UBR3: variants seen among roughly 807,000 people sequenced by gnomAD.
UBR3 encodes the protein ubiquitin protein ligase E3 component n-recognin 3, also known as E3 ubiquitin-protein ligase UBR3.
In UBR3, 85 loss-of-function variants were observed where a neutral mutation model predicts 243.2. That is an observed-to-expected ratio of 0.35 (90% CI 0.29 to 0.42). The LOEUF (loss-of-function observed/expected upper bound fraction) is 0.42, where lower values mean the gene tolerates loss of function less well. Among genes scored for constraint, UBR3 ranks in the 10% least tolerant of loss-of-function variants. UBR3 has a pLI of 1.00. For synonymous variants in UBR3, 748 were observed against 799.8 expected, an observed-to-expected ratio of 0.94 and a Z score of 1.09; for missense variants, 1,686 against 2,300.8, an observed-to-expected ratio of 0.73 and a Z score of 5.47.
At chr2:169,955,184 T>C (rs1414168992) in intron 23 of UBR3, among the ~76,000 whole-genome samples, 1 of 152,224 alleles carries the variant, frequency 6.6e-6, no homozygotes, top group Non-Finnish European at 1.5e-5. Flanking sequence ...ACTTTGATCA[T>C]GTCTGCCAGA....
At chr2:170,058,253 G>A (rs568029274) in intron 33 of UBR3, among the ~76,000 whole-genome samples, 27 of 151,576 alleles carry the variant, frequency 1.8e-4, no homozygotes, top group African/African-American at 5.8e-4. Flanking sequence ...CTTATGTTTG[G>A]CATACTAATT....
chr2:169,923,539 G>GTTATTC (rs10646981), intron 11 of UBR3, among the ~76,000 whole-genome samples: 148,767 of 152,132 alleles, frequency 0.98, 72,811 homozygotes, highest in East Asian at 1. Context: ...ATATGTGACT[G>GTTATTC]TTATTACTGT....
At chr2:169,828,348 G>A (rs1360626217) in intron 1 of UBR3, among the ~76,000 whole-genome samples, 1 of 152,198 alleles carries the variant, frequency 6.6e-6, no homozygotes, top group Non-Finnish European at 1.5e-5. Flanking sequence ...GGAGGGGAGT[G>A]AGGGGAAATG....
At chr2:169,832,178 A>G (rs1384556522) in intron 1 of UBR3, among the ~76,000 whole-genome samples, 1 of 152,232 alleles carries the variant, frequency 6.6e-6, no homozygotes, top group Non-Finnish European at 1.5e-5. Context: ...GTATTAGCAG[A>G]TATACAAACC....
chr2:170,021,406 C>T (rs755358271), intron 30 of UBR3, among the ~76,000 whole-genome samples: 39 of 152,072 alleles, frequency 2.6e-4, no homozygotes, highest in Admixed American at 1.5e-3. Context: ...CTGGTGAGGG[C>T]CTGCTTGCTT....
At chr2:169,984,711 A>G (rs1277913165) in intron 24 of UBR3, among the ~76,000 whole-genome samples, 1 of 152,168 alleles carries the variant, frequency 6.6e-6, no homozygotes, top group Non-Finnish European at 1.5e-5. Flanking sequence ...TTAATTCAAC[A>G]TAGGATATAA....
intron 22 of UBR3, among the ~76,000 whole-genome samples, chr2:169,948,688 TA>T (rs1466213799): frequency 6.6e-6 from 1 of 152,032 alleles, no homozygotes; most frequent in African/African-American, 2.4e-5. Context: ...GAGAGTACTT[TA>T]AAAAACAGCT....
chr2:169,929,375 G>A (rs1172421163), intron 18 of UBR3, among the ~76,000 whole-genome samples: 1 of 152,084 alleles, frequency 6.6e-6, no homozygotes, highest in South Asian at 2.1e-4. Context: ...AGGAGTTCGA[G>A]ACCATCCTGG....
chr2:170,068,909 G>T (rs2091638095), intron 35 of UBR3, among the ~76,000 whole-genome samples: 1 of 152,122 alleles, frequency 6.6e-6, no homozygotes, highest in African/African-American at 2.4e-5. Flanking sequence ...ACTGACTCAA[G>T]AAGAAATAGA....
At chr2:169,929,132 TA>T (rs905046970) in intron 18 of UBR3, among the ~76,000 whole-genome samples, 3 of 152,208 alleles carry the variant, frequency 2.0e-5, no homozygotes, top group Admixed American at 6.5e-5. Flanking sequence ...AATTCATTTT[TA>T]TAAGTGATCA....
At chr2:170,027,275 A>G (rs948589134) in intron 30 of UBR3, among the ~76,000 whole-genome samples, 1 of 151,496 alleles carries the variant, frequency 6.6e-6, no homozygotes, top group Non-Finnish European at 1.5e-5. Flanking sequence ...TTATTACTAT[A>G]TAATAGACCA....
intron 24 of UBR3, among the ~76,000 whole-genome samples, chr2:169,984,258 G>A (rs2088894412): frequency 6.6e-6 from 1 of 152,004 alleles, no homozygotes; most frequent in Non-Finnish European, 1.5e-5. Flanking sequence ...CCTTTTTATT[G>A]AAATATACTC....
At chr2:169,876,531 T>TATTGTATTGTATTGTATTGTATTG (rs548140513) in intron 3 of UBR3, among the ~76,000 whole-genome samples, 19 of 147,338 alleles carry the variant, frequency 1.3e-4, no homozygotes, top group South Asian at 4.4e-4. Context: ...CTGCCTCTCT[T>TATTGTATTGTATTGTATTGTATTG]TATTGTATTG....
chr2:169,839,534 T>G (rs1355294724), intron 1 of UBR3, among the ~76,000 whole-genome samples: 3 of 152,052 alleles, frequency 2.0e-5, no homozygotes, highest in African/African-American at 7.2e-5. Flanking sequence ...TTTGAATGGC[T>G]GTAGCATAAA....
At chr2:170,017,702 A>G (rs191133226) in intron 30 of UBR3, among the ~76,000 whole-genome samples, 19 of 152,262 alleles carry the variant, frequency 1.2e-4, no homozygotes, top group Admixed American at 5.9e-4. Flanking sequence ...ATCTTCAAAC[A>G]TTTTTAAATA....
intron 25 of UBR3, among the ~76,000 whole-genome samples, chr2:169,993,580 G>A (rs1389179327): frequency 1.3e-5 from 2 of 152,096 alleles, no homozygotes; most frequent in Non-Finnish European, 2.9e-5. Flanking sequence ...AAACAGTTTT[G>A]GCAAGGGTAT....
intron 21 of UBR3, 26 bp downstream of exon 21, chr2:169,946,418 T>G: frequency 1.5e-6 from 2 of 1,361,312 alleles, no homozygotes; most frequent in East Asian, 5.3e-5. Flanking sequence ...AATTTAAAAT[T>G]TTTAGATAGG....
At chr2:170,043,670 C>T (rs1267001759) in intron 32 of UBR3, among the ~76,000 whole-genome samples, 1 of 152,016 alleles carries the variant, frequency 6.6e-6, no homozygotes, top group Non-Finnish European at 1.5e-5. Flanking sequence ...TACTGTGTAC[C>T]AGGTTGCTAT....
intron 11 of UBR3, among the ~76,000 whole-genome samples, chr2:169,922,306 A>G (rs904861210): frequency 6.6e-6 from 1 of 151,702 alleles, no homozygotes; most frequent in African/African-American, 2.4e-5. Context: ...AAAAAAAAAA[A>G]AGAGTCTGCA....
Sources: gnomAD v4.1 joint callset for allele counts (sites outside exome capture counted in the v4.1 genomes callset) on GRCh38, gnomAD v4.1.1 for gene constraint, MANE v1.5 for transcripts, NCBI Gene and HGNC (gene_info 2026-07-23, HGNC 2026-07-21) for gene names.